Variants in CD8B2 observed in about 807,000 individuals in gnomAD.
CD8B2 encodes T-cell surface glycoprotein CD8 beta-2 chain.
Under a neutral mutation model 23.7 loss-of-function variants are expected in CD8B2, and 11 were observed. That is an observed-to-expected ratio of 0.46 (90% CI 0.29 to 0.77). CD8B2 has a LOEUF of 0.77. CD8B2 is among the 30% of genes least tolerant of loss of function. The pLI is 0.09. For missense variants in CD8B2, 197 were observed against 270.5 expected (o/e 0.73, Z 1.91); for synonymous variants, 90 against 109.3 (o/e 0.82, Z 1.10).
At chr2:106,491,719 T>C (rs1317824656) in intron 2 of CD8B2, among the ~76,000 whole-genome samples, 1 of 152,096 alleles carries the variant, frequency 6.6e-6, no homozygotes, top group Non-Finnish European at 1.5e-5. Context: ...GGCTAATTTT[T>C]TGTATTTTTA....
chr2:106,528,336 C>T (rs943789593), intron 5 of CD8B2, among the ~76,000 whole-genome samples: 1 of 152,064 alleles, frequency 6.6e-6, no homozygotes, highest in East Asian at 1.9e-4. Flanking sequence ...ATGTATTCCT[C>T]TAAGAGTTTA....
At position 106,510,814 on chromosome 2, in the gene CD8B2, T is replaced by C. The variant is rs1679618098; in HGVS notation, c.*3874T>C. 1 of 152,100 alleles carries C rather than the reference T, an allele frequency of 6.6e-6. No homozygotes were observed. Among genetic ancestry groups the C allele is most frequent in the South Asian group, 2.1e-4 (1 of 4,818 alleles). 9.4% of individuals were successfully genotyped at this position (152,100 alleles called of 1,614,324 possible). The stretch of plus-strand genomic sequence containing the variant: ...AAACATAAAATTGAAATCTCGAGAA[T>C]ATAATACATAAAATAGAGAATATAG... On this transcript the variant is annotated 3_prime_UTR_variant, in exon 6 of 6. Transcript: ENST00000643224.
intron 5 of CD8B2, among the ~76,000 whole-genome samples, chr2:106,527,810 C>CAAA (rs1394875115): frequency 1.3e-5 from 2 of 151,272 alleles, no homozygotes; most frequent in Non-Finnish European, 2.9e-5. Flanking sequence ...AAACAAAAAA[C>CAAA]AAACAAACAA....
chr2:106,506,946 G>A lies in CD8B2; in HGVS notation c.*6G>A. The A allele has an allele frequency of 1.9e-6, 3 of 1,601,310 alleles. No homozygotes were observed. The highest frequency in any genetic ancestry group is 2.6e-6 in the Non-Finnish European group (3 of 1,174,392). ...TTTTCAGATTTTACAAATGAGCAGA[G>A]AATACGGTTTTGGTGTCCTGCTACA... On this transcript the variant is annotated 3_prime_UTR_variant, in exon 6 of 6. Coordinates refer to ENST00000643224, the MANE Select transcript of CD8B2 (RefSeq NM_001349727.2).
At position 106,500,560 on chromosome 2, in the gene CD8B2, A is replaced by ATAAATAAATAAATAATTAAT. The variant is rs370350218; in HGVS notation, c.494-1911_494-1910insATAAATAAATAATTAATTAA. ...AATAAATAAATAAATAAATAAATAA[A>ATAAATAAATAAATAATTAAT]TAATTAAAAAATACCAATACCTTTC... On this transcript the variant is annotated intron_variant, in intron 3 of 5. Transcript: ENST00000643224. Among the ~76,000 whole-genome samples, 625 of 118,838 alleles carry ATAAATAAATAAATAATTAAT rather than the reference A, an allele frequency of 5.3e-3. 1 individual carries two copies. Among genetic ancestry groups the ATAAATAAATAAATAATTAAT allele is most frequent in the Non-Finnish European group, 7.8e-3 (448 of 57,096 alleles). 78.0% of individuals were successfully genotyped at this position (118,838 alleles called of 152,430 possible). A position where few individuals can be genotyped will look rare whatever the true frequency, so the allele number is the denominator to read the frequency against.
At chr2:106,538,700 C>T (rs1348532041) in intron 5 of CD8B2, among the ~76,000 whole-genome samples, 2 of 152,234 alleles carry the variant, frequency 1.3e-5, no homozygotes, top group African/African-American at 4.8e-5. Context: ...TCCGTGTGTC[C>T]AGGCACTCCT....
At chr2:106,499,419 C>T (rs545446329) in intron 3 of CD8B2, among the ~76,000 whole-genome samples, 21 of 151,078 alleles carry the variant, frequency 1.4e-4, no homozygotes, top group South Asian at 1.3e-3. Flanking sequence ...GTAATCCCAA[C>T]GACTTAGGAG....
At chr2:106,500,853 AG>A (rs550988917) in intron 3 of CD8B2, among the ~76,000 whole-genome samples, 123 of 151,664 alleles carry the variant, frequency 8.1e-4, no homozygotes, top group African/African-American at 2.7e-3. Context: ...AAATGGACAA[AG>A]GAAAAGATAG....
chr2:106,521,068 G>T (rs10211108), intron 5 of CD8B2, among the ~76,000 whole-genome samples: 138,459 of 142,862 alleles, frequency 0.97, 67,251 homozygotes, highest in South Asian at 1. Flanking sequence ...GACAGAGAGA[G>T]AGACAGATGC....
At chr2:106,512,300 C>T (rs1028797760), downstream of CD8B2, among the ~76,000 whole-genome samples, 4 of 152,210 alleles carry the variant, frequency 2.6e-5, no homozygotes, top group Admixed American at 2.6e-4. Context: ...TGGTCTTGAA[C>T]TCCTGGGCTC....
chr2:106,506,860 T>G, intron 5 of CD8B2, 68 bp from the exon 6 acceptor site: 3 of 1,600,854 alleles, frequency 1.9e-6, no homozygotes, highest in Non-Finnish European at 2.6e-6. Context: ...GCCATTTGTC[T>G]CTGTTACAGG....
At chr2:106,532,319 G>T (rs893701019) in intron 5 of CD8B2, among the ~76,000 whole-genome samples, 2 of 152,122 alleles carry the variant, frequency 1.3e-5, no homozygotes, top group African/African-American at 4.8e-5. Flanking sequence ...TAAACTTCAA[G>T]GTATTCTCTT....
rs889435513 is a variant in CD8B2, at chr2:106,508,426, G to A, written c.*1486G>A. On this transcript the variant is annotated 3_prime_UTR_variant, in exon 6 of 6. Transcript: ENST00000643224. The stretch of plus-strand genomic sequence containing the variant: ...TGGGGTGCGGCCGCAGCAGAATGAG[G>A]TGTGGTGGGTGGAGTTAGAAAGGCA... The A allele has an allele frequency of 6.6e-6, 1 of 152,142 alleles. No homozygotes were observed. The highest frequency in any genetic ancestry group is 2.4e-5 in the African/African-American group (1 of 41,412). 9.4% of individuals were successfully genotyped at this position (152,142 alleles called of 1,614,324 possible).
intron 5 of CD8B2, among the ~76,000 whole-genome samples, chr2:106,534,394 C>T (rs924916012): frequency 1.3e-5 from 2 of 152,106 alleles, no homozygotes; most frequent in South Asian, 2.1e-4. Flanking sequence ...GAAAAAGATC[C>T]GATGCCAACA....
At chr2:106,490,577 T>C (rs1679173998) in intron 1 of CD8B2, among the ~76,000 whole-genome samples, 1 of 152,208 alleles carries the variant, frequency 6.6e-6, no homozygotes, top group Admixed American at 6.5e-5. Context: ...CTTGATTGAG[T>C]TCCTTTATGC....
chr2:106,505,331 G>C lies in CD8B2; in HGVS notation c.620+1006G>C, dbSNP rs144416271. Among the ~76,000 whole-genome samples, 9 of 152,272 alleles carry C rather than the reference G, an allele frequency of 5.9e-5. No homozygotes were observed. In the East Asian group the frequency reaches 1.4e-3, roughly 23 times the overall value. On this transcript the variant is annotated intron_variant, in intron 5 of 5. Transcript: ENST00000643224. Reference sequence around the variant, plus strand: ...GGGCAACAGGTTCTCTTGCTCAAAAGCTCCAGCTTTAGGTGGAGACAGGGC... The same window carrying C: ...GGGCAACAGGTTCTCTTGCTCAAAACCTCCAGCTTTAGGTGGAGACAGGGC...
Position 106,490,988 on chromosome 2 carries a change from A to G in CD8B2, c.158A>G (p.Tyr53Cys). 6.2e-7 allele frequency: 1 copy of G among 1,613,966 alleles called. No individual in the cohort carries two copies. The change falls in exon 2 of 6, where the codon TAC becomes TGC. Residue 53 changes from tyrosine (Y) to cysteine (C), a missense_variant. Coordinates refer to ENST00000643224, the MANE Select transcript of CD8B2 (RefSeq NM_001349727.2). ...AKISLSNMCI[Y>C]WLRQRQAPSS... Reference sequence around the variant, plus strand: ...ATCTCCCTCAGTAACATGTGCATCTACTGGCTGAGACAGCGCCAGGCCCCG... The same window carrying G: ...ATCTCCCTCAGTAACATGTGCATCTGCTGGCTGAGACAGCGCCAGGCCCCG...
At chr2:106,530,604 C>A (rs1282513983) in intron 5 of CD8B2, among the ~76,000 whole-genome samples, 2 of 152,132 alleles carry the variant, frequency 1.3e-5, no homozygotes, top group African/African-American at 2.4e-5. Context: ...TGGTCTTGAT[C>A]TCCTGACCTC....
intron 5 of CD8B2, among the ~76,000 whole-genome samples, chr2:106,524,380 A>T (rs73952245): frequency 0.087 from 13,260 of 152,242 alleles, 913 homozygotes; most frequent in African/African-American, 0.19. Flanking sequence ...CTTCTGGCAC[A>T]GCCCAGGCCT....
Sources: gnomAD v4.1 joint callset for allele counts (sites outside exome capture counted in the v4.1 genomes callset) on GRCh38, gnomAD v4.1.1 for gene constraint, MANE v1.5 for transcripts, NCBI Gene and HGNC (gene_info 2026-07-23, HGNC 2026-07-21) for gene names.